The following RORB variants were observed in gnomAD, a reference collection of about 807,000 sequenced individuals.
RORB encodes RAR related orphan receptor B.
In RORB, 6 loss-of-function variants were observed where a neutral mutation model predicts 59.1. The observed-to-expected ratio is 0.10, with a 90% CI of 0.06 to 0.20. The LOEUF (loss-of-function observed/expected upper bound fraction) is 0.20, where lower values mean the gene tolerates loss of function less well. RORB is among the 10% of genes least tolerant of loss of function. The pLI is 1.00. For synonymous variants in RORB, 215 were observed against 204.5 expected, an observed-to-expected ratio of 1.05 and a Z score of -0.44; for missense variants, 320 against 560.5, an observed-to-expected ratio of 0.57 and a Z score of 4.33.
chr9:74,588,386 G>A (rs1242360593), intron 1 of RORB, among the ~76,000 whole-genome samples: 2 of 152,110 alleles, frequency 1.3e-5, no homozygotes, highest in Non-Finnish European at 1.5e-5. Context: ...TGTCTTATGA[G>A]GAAAATATTG....
chr9:74,678,837 G>T (rs990195275), intron 9 of RORB, among the ~76,000 whole-genome samples: 1 of 151,946 alleles, frequency 6.6e-6, no homozygotes, highest in Admixed American at 6.6e-5. Context: ...TTCAAGACCG[G>T]CCTGGCCAAC....
chr9:74,622,771 C>T (rs776970408), intron 1 of RORB, among the ~76,000 whole-genome samples: 4 of 151,956 alleles, frequency 2.6e-5, no homozygotes, highest in Non-Finnish European at 2.9e-5. Context: ...GTAATCCACC[C>T]GCCTCAGCCT....
At chr9:74,659,667 G>T (rs759832834) in intron 4 of RORB, among the ~76,000 whole-genome samples, 14 of 150,618 alleles carry the variant, frequency 9.3e-5, no homozygotes, top group South Asian at 2.1e-4. Flanking sequence ...ATTTTTTGTG[G>T]TTTTTTTTTA....
intron 1 of RORB, among the ~76,000 whole-genome samples, chr9:74,552,619 CT>C (rs1826629539): frequency 6.6e-6 from 1 of 151,882 alleles, no homozygotes; most frequent in African/African-American, 2.4e-5. Flanking sequence ...AGCAAAAGGG[CT>C]TCTTTTGCTC....
rs1824205109 is a variant in RORB, at chr9:74,662,507, C to A, written c.793C>A (p.Gln265Lys). 2 of 1,613,996 alleles carry A rather than the reference C, an allele frequency of 1.2e-6. No individual in the cohort carries two copies. Among genetic ancestry groups the A allele is most frequent in the Admixed American group, 1.7e-5 (1 of 60,000 alleles). ...REALWQQCAI[Q>K]ITHAIQYVVE... is the part of the protein sequence containing the mutation. ...AGCACTGTGGCAACAATGTGCCATC[C>A]AGATCACTCACGCCATCCAATACGT... is the stretch of plus-strand genomic sequence containing the variant. Residue 265 changes from glutamine (Q) to lysine (K), a missense_variant, in exon 6 of 10, where the codon CAG becomes AAG. This residue lies in a region of RORB where 40 missense variants were observed against 116.9 expected (regional missense o/e 0.34). Coordinates refer to ENST00000376896, the MANE Select transcript of RORB (RefSeq NM_006914.4).
rs1222686559 is a variant in RORB at position 74,585,753 on chromosome 9, A to T, written c.8-44529A>T. Among the ~76,000 whole-genome samples the T allele has an allele frequency of 2.1e-5, 3 of 143,474 alleles. No homozygotes were observed. The East Asian group carries it at 6.2e-4, about 30-fold the overall frequency. 94.1% of individuals were successfully genotyped at this position (143,474 alleles called of 152,430 possible). A position where few individuals can be genotyped will look rare whatever the true frequency, so the allele number is the denominator to read the frequency against. ...GCTCATGAGCATTTAGATATTTTTT[A>T]AAAATCTACACAGCACTCTTTTCAC... is the stretch of plus-strand genomic sequence containing the variant. On this transcript the variant is annotated intron_variant, in intron 1 of 9. Coordinates refer to ENST00000376896, the MANE Select transcript of RORB (RefSeq NM_006914.4).
chr9:74,659,500 T>TTTTGC (rs1158436857), intron 4 of RORB, among the ~76,000 whole-genome samples: 1 of 151,996 alleles, frequency 6.6e-6, no homozygotes, highest in African/African-American at 2.4e-5. Context: ...TTTTGTTTTG[T>TTTTGC]TTTGCTTCGT....
chr9:74,508,412 A>G lies in RORB; in HGVS notation c.7+10429A>G, dbSNP rs143619877. Among the ~76,000 whole-genome samples, 157 of 152,070 alleles carry G rather than the reference A, an allele frequency of 1.0e-3. 3 individuals carry two copies. The highest frequency in any genetic ancestry group is 3.5e-3 in the African/African-American group (146 of 41,524). On this transcript the variant is annotated intron_variant, in intron 1 of 9. Coordinates refer to ENST00000376896, the MANE Select transcript of RORB (RefSeq NM_006914.4). ...TTGCAATAAAATAAACTGATTTGGA[A>G]TTTTTTCCACCAAAATTGTACTGTA... is the stretch of plus-strand genomic sequence containing the variant.
At chr9:74,516,901 C>T (rs1297317288) in intron 1 of RORB, among the ~76,000 whole-genome samples, 1 of 151,904 alleles carries the variant, frequency 6.6e-6, no homozygotes, top group Non-Finnish European at 1.5e-5. Flanking sequence ...CCTCACATAC[C>T]ATCTCACTGA....
chr9:74,578,649 A>T (rs912879889), intron 1 of RORB, among the ~76,000 whole-genome samples: 1 of 148,978 alleles, frequency 6.7e-6, no homozygotes, highest in Admixed American at 6.8e-5. Context: ...AAGATATTTT[A>T]TTTTGAATTG....
chr9:74,595,404 C>A (rs1384191225), intron 1 of RORB, among the ~76,000 whole-genome samples: 1 of 152,198 alleles, frequency 6.6e-6, no homozygotes, highest in East Asian at 1.9e-4. Flanking sequence ...CTGTTCAAGA[C>A]TAAACAGTAT....
chr9:74,553,524 C>T (rs139206633), intron 1 of RORB, among the ~76,000 whole-genome samples: 2 of 152,086 alleles, frequency 1.3e-5, no homozygotes, highest in East Asian at 3.9e-4. Context: ...GTATCAAGCA[C>T]TAAGGGTAGT....
At chr9:74,578,114 G>A (rs1382097416) in intron 1 of RORB, among the ~76,000 whole-genome samples, 4 of 152,002 alleles carry the variant, frequency 2.6e-5, no homozygotes, top group Non-Finnish European at 5.9e-5. Flanking sequence ...ATAAACTTGG[G>A]ACTAAACACT....
intron 9 of RORB, among the ~76,000 whole-genome samples, chr9:74,678,762 G>A (rs1824489933): frequency 1.3e-5 from 2 of 152,036 alleles, no homozygotes; most frequent in Admixed American, 6.6e-5. Flanking sequence ...TGGGCCAGGC[G>A]CTATGGCTCA....
chr9:74,579,280 A>G (rs753796672), intron 1 of RORB, among the ~76,000 whole-genome samples: 2 of 152,164 alleles, frequency 1.3e-5, no homozygotes, highest in Non-Finnish European at 2.9e-5. Flanking sequence ...CTACTGTTTT[A>G]TTACTTATTA....
At chr9:74,609,988 G>A (rs745747494) in intron 1 of RORB, among the ~76,000 whole-genome samples, 22 of 152,172 alleles carry the variant, frequency 1.4e-4, no homozygotes, top group Non-Finnish European at 2.8e-4. Flanking sequence ...ACAAGCATAA[G>A]AAACCCTGCT....
chr9:74,661,458 T>C (rs947136623), intron 5 of RORB, among the ~76,000 whole-genome samples: 8 of 152,056 alleles, frequency 5.3e-5, no homozygotes, highest in African/African-American at 1.9e-4. Context: ...TTTATATAAA[T>C]AGGGAAACAA....
intron 6 of RORB, among the ~76,000 whole-genome samples, chr9:74,663,965 C>G (rs1227047103): frequency 1.3e-5 from 2 of 152,094 alleles, no homozygotes; most frequent in Non-Finnish European, 2.9e-5. Flanking sequence ...CCATTATATA[C>G]CATCAGTCAT....
chr9:74,604,462 T>C (rs1001381643), intron 1 of RORB, among the ~76,000 whole-genome samples: 5 of 152,238 alleles, frequency 3.3e-5, no homozygotes, highest in African/African-American at 9.6e-5. Flanking sequence ...CATGGGCAAA[T>C]TGGGTTATCC....
Sources: gnomAD v4.1 joint callset for allele counts (sites outside exome capture counted in the v4.1 genomes callset) on GRCh38, gnomAD v4.1.1 for gene constraint, gnomAD v4.1.1 regional missense constraint, MANE v1.5 for transcripts, NCBI Gene and HGNC (gene_info 2026-07-23, HGNC 2026-07-21) for gene names.